Variants in MLLT10 observed in about 807,000 individuals in gnomAD.
The protein encoded by MLLT10 is MLLT10 histone lysine methyltransferase DOT1L cofactor.
MLLT10 carries 30 observed loss-of-function variants against 129.1 expected under a neutral mutation model. The observed-to-expected ratio is 0.23, with a 90% CI of 0.17 to 0.32. MLLT10 has a LOEUF of 0.32. Ranked by LOEUF, MLLT10 falls within the 10% of genes least tolerant of loss-of-function variation. The pLI is 1.00. For missense variants in MLLT10, 1,119 were observed against 1,268.3 expected (o/e 0.88, Z 1.79); for synonymous variants, 490 against 446.4 (o/e 1.10, Z -1.23).
intron 3 of MLLT10, among the ~76,000 whole-genome samples, chr10:21,539,417 T>A (rs903452511): frequency 1.3e-5 from 2 of 151,740 alleles, no homozygotes; most frequent in South Asian, 2.1e-4. Context: ...AAAATCTTTT[T>A]TTTTTTTTTT....
chr10:21,696,130 C>T (rs1017919037), intron 13 of MLLT10, among the ~76,000 whole-genome samples: 1 of 151,646 alleles, frequency 6.6e-6, no homozygotes, highest in African/African-American at 2.4e-5. Flanking sequence ...TGAGACAGGC[C>T]GACTCTGCTA....
In MLLT10 at chr10:21,592,200, G is replaced by A. The variant is rs573164952; in HGVS notation, c.296-3131G>A. 5.9e-5 allele frequency among the ~76,000 whole-genome samples: 9 copies of A among 152,060 alleles called. No homozygotes were observed. In the South Asian group the frequency reaches 1.9e-3, roughly 32 times the overall value. ...TGTAAATGAGTGTGAAGGCATTATT[G>A]TTTTGTATGTTCGTTACATATTAAA... On this transcript the variant is annotated intron_variant, in intron 4 of 22. Transcript: ENST00000307729.
At chr10:21,674,092 A>G (rs1375942912) in intron 11 of MLLT10, among the ~76,000 whole-genome samples, 173 bp downstream of exon 11, 1 of 152,218 alleles carries the variant, frequency 6.6e-6, no homozygotes, top group African/African-American at 2.4e-5. Context: ...AAAATATCTT[A>G]AAGTCTTAGA....
At chr10:21,702,695 T>C (rs1390754988) in intron 13 of MLLT10, among the ~76,000 whole-genome samples, 1 of 151,890 alleles carries the variant, frequency 6.6e-6, no homozygotes, top group East Asian at 1.9e-4. Context: ...TTTTTACAGT[T>C]TTTTTTTTCT....
chr10:21,603,197 T>A (rs532309648), intron 5 of MLLT10, among the ~76,000 whole-genome samples: 79 of 150,874 alleles, frequency 5.2e-4, no homozygotes, highest in Non-Finnish European at 1.1e-3. Context: ...GGATTATAGG[T>A]GTCCACCACC....
chr10:21,659,271 A>C (rs2049926824), intron 9 of MLLT10, among the ~76,000 whole-genome samples: 1 of 152,186 alleles, frequency 6.6e-6, no homozygotes, highest in Non-Finnish European at 1.5e-5. Context: ...ATATAGTCAC[A>C]CAGCCCAGAC....
chr10:21,578,150 CT>C (rs1482696029), intron 3 of MLLT10, among the ~76,000 whole-genome samples: 1 of 152,168 alleles, frequency 6.6e-6, no homozygotes, highest in Non-Finnish European at 1.5e-5. Context: ...CCGCCTAGAC[CT>C]CCCAAAGTGT....
chr10:21,533,978 G>T (rs910297749), upstream of MLLT10, among the ~76,000 whole-genome samples: 2 of 152,006 alleles, frequency 1.3e-5, no homozygotes, highest in Non-Finnish European at 2.9e-5. Context: ...CGCGGCCCGC[G>T]CCACCAGCGC....
intron 4 of MLLT10, 101 bp downstream of exon 4, chr10:21,586,449 C>T (rs1472449534): frequency 1.8e-5 from 17 of 919,714 alleles, no homozygotes; most frequent in Middle Eastern, 2.1e-4. Context: ...AATTAAACAG[C>T]GTTTTCTACT....
At chr10:21,704,357 C>CTA (rs3032384) in intron 13 of MLLT10, among the ~76,000 whole-genome samples, 512 of 111,834 alleles carry the variant, frequency 4.6e-3, no homozygotes, top group Non-Finnish European at 5.9e-3. Flanking sequence ...CTCTCTCTCT[C>CTA]TATATATATA....
chr10:21,622,214 G>A (rs1233418676), intron 8 of MLLT10, among the ~76,000 whole-genome samples: 1 of 139,716 alleles, frequency 7.2e-6, no homozygotes, highest in African/African-American at 2.7e-5. Flanking sequence ...CTGGGGTGCA[G>A]TGGCACCACC....
At chr10:21,633,102 A>C (rs907905825) in intron 8 of MLLT10, among the ~76,000 whole-genome samples, 3 of 152,232 alleles carry the variant, frequency 2.0e-5, no homozygotes, top group African/African-American at 7.2e-5. Flanking sequence ...TAACAGATGA[A>C]TAAATTATGG....
intron 13 of MLLT10, among the ~76,000 whole-genome samples, chr10:21,689,071 A>G (rs962197424): frequency 1.3e-5 from 2 of 152,104 alleles, no homozygotes; most frequent in African/African-American, 4.8e-5. Flanking sequence ...ACATGCTGAT[A>G]AAGCTAATTT....
At chr10:21,600,333 T>C (rs1263522062) in intron 5 of MLLT10, among the ~76,000 whole-genome samples, 1 of 151,880 alleles carries the variant, frequency 6.6e-6, no homozygotes, top group African/African-American at 2.4e-5. Flanking sequence ...TAGGGATGAA[T>C]ATATTTTTAC....
At chr10:21,577,461 GTTT>G (rs34503343) in intron 3 of MLLT10, among the ~76,000 whole-genome samples, 4 of 126,540 alleles carry the variant, frequency 3.2e-5, no homozygotes, top group Admixed American at 8.1e-5. Context: ...ATAGATGAAG[GTTT>G]TTTTTTTTTT....
intron 8 of MLLT10, among the ~76,000 whole-genome samples, chr10:21,635,317 C>T (rs1046550957): frequency 6.6e-6 from 1 of 152,128 alleles, no homozygotes; most frequent in Non-Finnish European, 1.5e-5. Context: ...GATGCTTTTA[C>T]ACTTGGTTTT....
chr10:21,534,605 T>G (rs2033469924), intron 1 of MLLT10, 40 bp from the exon 2 acceptor site: 2 of 1,588,958 alleles, frequency 1.3e-6, no homozygotes, highest in African/African-American at 1.4e-5. Context: ...ACTAATCGGC[T>G]TGCATGTGTT....
intron 14 of MLLT10, among the ~76,000 whole-genome samples, chr10:21,725,812 G>A (rs1255202196): frequency 2.0e-5 from 3 of 149,050 alleles, no homozygotes; most frequent in East Asian, 2.0e-4. Flanking sequence ...GTGCAGTGGC[G>A]TGATCTCCTC....
At chr10:21,616,135 A>C (rs2045230155) in intron 7 of MLLT10, among the ~76,000 whole-genome samples, 1 of 152,048 alleles carries the variant, frequency 6.6e-6, no homozygotes, top group Non-Finnish European at 1.5e-5. Context: ...TTTGATGCTG[A>C]ATGCTTTATT....
Sources: allele counts gnomAD v4.1 joint callset (sites outside exome capture counted in the v4.1 genomes callset), GRCh38; gene constraint gnomAD v4.1.1; transcripts MANE v1.5; gene names NCBI Gene and HGNC (gene_info 2026-07-23, HGNC 2026-07-21).